Variants in TUBGCP3 observed in about 807,000 individuals in gnomAD.
TUBGCP3 encodes the protein gamma-tubulin complex component 3.
In TUBGCP3, 50 loss-of-function variants were observed where a neutral mutation model predicts 123.1. The observed-to-expected ratio is 0.41, with a 90% CI of 0.32 to 0.51. TUBGCP3 has a LOEUF of 0.51. Among genes scored for constraint, TUBGCP3 ranks in the 20% least tolerant of loss-of-function variants. The pLI is 0.36. For missense variants in TUBGCP3, 882 were observed against 1,127.0 expected, an observed-to-expected ratio of 0.78 and a Z score of 3.11; for synonymous variants, 405 against 413.9, an observed-to-expected ratio of 0.98 and a Z score of 0.26.
intron 12 of TUBGCP3, 83 bp from the exon 13 acceptor site, chr13:112,527,133 T>G: frequency 1.6e-6 from 2 of 1,233,074 alleles, no homozygotes; most frequent in Admixed American, 4.0e-5. Context: ...AAGCTACAAA[T>G]TGGCTATTGA....
intron 17 of TUBGCP3, among the ~76,000 whole-genome samples, chr13:112,506,467 G>A (rs897423692): frequency 2.0e-5 from 3 of 152,162 alleles, no homozygotes; most frequent in Non-Finnish European, 1.5e-5. Flanking sequence ...GAACTATAGC[G>A]TCCACAGTCA....
At chr13:112,599,330 G>A in the TUBGCP3 span, among the ~76,000 whole-genome samples, 1 of 152,062 alleles carries the variant, frequency 6.6e-6, no homozygotes, top group African/African-American at 2.4e-5. Flanking sequence ...GGGTCCTTAC[G>A]CTCCACTTCC....
Position 112,545,562 on chromosome 13 carries a change from T to C in TUBGCP3, c.1335+137A>G, listed in dbSNP as rs9549540. On this transcript the variant is annotated intron_variant, in intron 11 of 21. Transcript: ENST00000261965. This position sits in a 1 kb window ranked among gnomAD's most constrained non-coding sequence, Gnocchi z 4.1. Reference sequence around the variant, plus strand: ...CCAGCTGTCGAGGCACTGTGTAAAATGTATATGGTATTCAATGGAAGTGCA... The same window carrying C: ...CCAGCTGTCGAGGCACTGTGTAAAACGTATATGGTATTCAATGGAAGTGCA... The C allele has an allele frequency of 0.18, 175,761 of 953,434 alleles. 17,741 individuals are homozygous for C. The highest frequency in any genetic ancestry group is 0.25 in the East Asian group (10,218 of 40,490). The allele number at this position is 953,434 out of a possible 1,614,324, so 59.1% of individuals were successfully genotyped here.
chr13:112,560,758 T>A (rs369625777), intron 3 of TUBGCP3, among the ~76,000 whole-genome samples: 3 of 152,178 alleles, frequency 2.0e-5, no homozygotes, highest in Admixed American at 1.3e-4. Flanking sequence ...CTTTAAAAAA[T>A]TGGTTGACAT....
chr13:112,546,772 C>G (rs966651707), intron 10 of TUBGCP3: 1 of 152,160 alleles, frequency 6.6e-6, no homozygotes. Flanking sequence ...CTGGAGAAAA[C>G]GCTGGCGTTT....
chr13:112,552,281 T>C (rs923951566), intron 8 of TUBGCP3, among the ~76,000 whole-genome samples: 1 of 152,260 alleles, frequency 6.6e-6, no homozygotes, highest in African/African-American at 2.4e-5. Flanking sequence ...GTCTATCAAG[T>C]TGACTGGGAC....
the TUBGCP3 span, among the ~76,000 whole-genome samples, chr13:112,595,065 T>C: frequency 6.6e-6 from 1 of 152,218 alleles, no homozygotes; most frequent in Admixed American, 6.5e-5. Flanking sequence ...TTAGATCCAG[T>C]TGATTGTTCA....
intron 3 of TUBGCP3, among the ~76,000 whole-genome samples, chr13:112,564,824 T>C (rs952998517): frequency 6.6e-6 from 1 of 152,254 alleles, no homozygotes; most frequent in African/African-American, 2.4e-5. Context: ...TCTACCAATG[T>C]GCTTCCTCCC....
chr13:112,573,989 GC>G (rs1363816804), intron 1 of TUBGCP3, among the ~76,000 whole-genome samples: 1 of 151,852 alleles, frequency 6.6e-6, no homozygotes, highest in African/African-American at 2.4e-5. Flanking sequence ...GGCTTCCTCT[GC>G]CCAATCCGCA....
Position 112,538,732 on chromosome 13 carries a change from T to G in TUBGCP3, c.1335+6967A>C, listed in dbSNP as rs538023558. 3.5e-4 allele frequency among the ~76,000 whole-genome samples: 54 copies of G among 152,348 alleles called. No individual in the cohort carries two copies. In the South Asian group the frequency reaches 0.011, roughly 30 times the overall value. On this transcript the variant is annotated intron_variant, in intron 11 of 21. Transcript: ENST00000261965. Reference sequence around the variant, plus strand: ...AGATATACAATAAATTACTATGAGATGAAAGATTATAAAGCTCACTTATAA... The same window carrying G: ...AGATATACAATAAATTACTATGAGAGGAAAGATTATAAAGCTCACTTATAA...
chr13:112,509,656 C>T (rs1881537764), intron 17 of TUBGCP3, among the ~76,000 whole-genome samples: 1 of 152,192 alleles, frequency 6.6e-6, no homozygotes, highest in East Asian at 1.9e-4. Context: ...TGAGACAAAG[C>T]CCCTTGACAG....
chr13:112,575,267 G>C (rs963720451), intron 1 of TUBGCP3, among the ~76,000 whole-genome samples: 2 of 152,126 alleles, frequency 1.3e-5, no homozygotes, highest in Non-Finnish European at 2.9e-5. Context: ...GAAGAAGAAA[G>C]ATATTCCATG....
In TUBGCP3 at chr13:112,519,437, T is replaced by C. The variant is rs1876429882; in HGVS notation, c.1882-394A>G. Among the ~76,000 whole-genome samples, 1 of 152,262 alleles carries C rather than the reference T, an allele frequency of 6.6e-6. No individual in the cohort carries two copies. The highest frequency in any genetic ancestry group is 2.1e-4 in the South Asian group (1 of 4,830). On this transcript the variant is annotated intron_variant, in intron 15 of 21. Coordinates refer to ENST00000261965, the MANE Select transcript of TUBGCP3 (RefSeq NM_006322.6). The surrounding 1 kb of genome is among the most constrained non-coding windows in gnomAD (Gnocchi z 6.2). ...CACAACTAAGTAAATAGTGGGTTTA[T>C]GTTCATAATAACCACACCCTTAAGA...
intron 11 of TUBGCP3, among the ~76,000 whole-genome samples, chr13:112,531,826 C>A (rs373221305): frequency 2.0e-4 from 31 of 151,950 alleles, no homozygotes; most frequent in African/African-American, 7.3e-4. Context: ...GGGAAAAAAA[C>A]CAAGGTCAGA....
chr13:112,486,041 C>T lies in TUBGCP3; in HGVS notation c.2676G>A (p.Arg892=). ...FNEHYKAREP[R]LRVSLGTRGR... ...CCCTGGTACCCAGAGACACACGGAGCCTGGGCTCCCTGGCTTTGTAATGCT... is the reference window on the plus strand; with the variant it reads ...CCCTGGTACCCAGAGACACACGGAGTCTGGGCTCCCTGGCTTTGTAATGCT... The change falls in exon 22 of 22, where the codon AGG becomes AGA. Residue 892 remains arginine, a synonymous_variant. Transcript: ENST00000261965. The T allele has an allele frequency of 2.5e-6, 4 of 1,609,044 alleles. No individual in the cohort carries two copies. The highest frequency in any genetic ancestry group is 3.4e-6 in the Non-Finnish European group (4 of 1,175,670).
intron 19 of TUBGCP3, among the ~76,000 whole-genome samples, chr13:112,500,681 C>T (rs1880843866): frequency 6.6e-6 from 1 of 152,174 alleles, no homozygotes. Context: ...GGTTCCAAGC[C>T]TGTGGTTGGG....
intron 11 of TUBGCP3, among the ~76,000 whole-genome samples, chr13:112,537,761 G>A (rs993553238): frequency 2.0e-5 from 3 of 152,054 alleles, no homozygotes; most frequent in Non-Finnish European, 4.4e-5. Context: ...AGAAGCCATC[G>A]GCTCCTGCAC....
chr13:112,502,304 T>A (rs531129244), intron 19 of TUBGCP3, among the ~76,000 whole-genome samples: 2 of 152,202 alleles, frequency 1.3e-5, no homozygotes, highest in Non-Finnish European at 2.9e-5. Flanking sequence ...TGTCTTGCCA[T>A]GCGACTGCAC....
chr13:112,567,539 T>C (rs1179070407), intron 2 of TUBGCP3, among the ~76,000 whole-genome samples: 1 of 152,214 alleles, frequency 6.6e-6, no homozygotes, highest in Non-Finnish European at 1.5e-5. Context: ...TATATAGACA[T>C]TGAGGAAAAT....
Sources: gnomAD v4.1 joint callset for allele counts (sites outside exome capture counted in the v4.1 genomes callset) on GRCh38, gnomAD v4.1.1 for gene constraint, Gnocchi (gnomAD v3.1) non-coding constraint, MANE v1.5 for transcripts, NCBI Gene and HGNC (gene_info 2026-07-23, HGNC 2026-07-21) for gene names.